Variants in LRMDA observed in about 807,000 individuals in gnomAD.
LRMDA encodes the protein leucine rich melanocyte differentiation associated.
In LRMDA, 18 loss-of-function variants were observed where a neutral mutation model predicts 29.8. The observed-to-expected ratio is 0.60, with a 90% CI of 0.42 to 0.90. The LOEUF (loss-of-function observed/expected upper bound fraction) is 0.90, where lower values mean the gene tolerates loss of function less well. Ranked by LOEUF, LRMDA falls within the 40% of genes least tolerant of loss-of-function variation. The pLI is 0.00. For synonymous variants in LRMDA, 125 were observed against 109.4 expected (o/e 1.14, Z -0.89); for missense variants, 273 against 273.9 (o/e 1.00, Z 0.02).
intron 2 of LRMDA, among the ~76,000 whole-genome samples, chr10:75,564,301 A>G (rs1301312876): frequency 6.6e-6 from 1 of 152,190 alleles, no homozygotes; most frequent in Non-Finnish European, 1.5e-5. Flanking sequence ...TGTGCTGGCA[A>G]TCATCGAGAC....
At chr10:75,972,590 C>T (rs959219252) in intron 2 of LRMDA, among the ~76,000 whole-genome samples, 2 of 152,036 alleles carry the variant, frequency 1.3e-5, no homozygotes, top group East Asian at 1.9e-4. Flanking sequence ...AGAAAAGAGT[C>T]GTTTCAGAGG....
At chr10:76,191,167 T>C (rs964582378) in intron 5 of LRMDA, among the ~76,000 whole-genome samples, 4 of 152,218 alleles carry the variant, frequency 2.6e-5, no homozygotes, top group African/African-American at 4.8e-5. Context: ...AAATGATTGA[T>C]TGACTGAAAT....
chr10:75,923,772 A>G (rs746669486), intron 2 of LRMDA, among the ~76,000 whole-genome samples: 2 of 152,006 alleles, frequency 1.3e-5, no homozygotes, highest in Non-Finnish European at 2.9e-5. Context: ...TGTGTGTGAC[A>G]CCCTTCAGAG....
chr10:76,333,431 A>G (rs1317890069), intron 6 of LRMDA, among the ~76,000 whole-genome samples: 1 of 152,172 alleles, frequency 6.6e-6, no homozygotes, highest in Non-Finnish European at 1.5e-5. Flanking sequence ...TTCTGTGCCC[A>G]TAGACTGTGA....
intron 2 of LRMDA, among the ~76,000 whole-genome samples, chr10:75,459,615 A>C (rs1844561172): frequency 6.6e-6 from 1 of 152,230 alleles, no homozygotes; most frequent in African/African-American, 2.4e-5. Flanking sequence ...TATATTTTTT[A>C]AGCTCAGCAA....
intron 6 of LRMDA, among the ~76,000 whole-genome samples, chr10:76,525,610 G>A (rs1443681727): frequency 1.4e-4 from 8 of 58,816 alleles, no homozygotes; most frequent in African/African-American, 3.0e-4. Context: ...AGTGAATGGC[G>A]GACTACATTT....
At position 75,956,470 on chromosome 10, in the gene LRMDA, C is replaced by G. The variant is rs544245511; in HGVS notation, c.132-79538C>G. ...AAAACACATAAGGACCTGTAGGCACCGTTTTTTGCTCTGGGCTTAAACACC... is the reference window on the plus strand; with the variant it reads ...AAAACACATAAGGACCTGTAGGCACGGTTTTTTGCTCTGGGCTTAAACACC... On this transcript the variant is annotated intron_variant, in intron 2 of 6. Transcript: ENST00000611255. Among the ~76,000 whole-genome samples the G allele has an allele frequency of 9.9e-5, 15 of 152,216 alleles. No homozygotes were observed. The South Asian group carries it at 2.5e-3, about 25-fold the overall frequency.
At chr10:76,308,597 A>T (rs1840589632) in intron 5 of LRMDA, among the ~76,000 whole-genome samples, 1 of 152,112 alleles carries the variant, frequency 6.6e-6, no homozygotes, top group Non-Finnish European at 1.5e-5. Context: ...TTTGCTACAC[A>T]TCAGAGACCA....
chr10:76,534,422 C>T (rs1843270011), intron 6 of LRMDA, among the ~76,000 whole-genome samples: 2 of 152,130 alleles, frequency 1.3e-5, no homozygotes, highest in Admixed American at 1.3e-4. Context: ...GGCTGTGCCT[C>T]TTCCACATTC....
At chr10:76,443,365 C>T (rs1842323130) in intron 6 of LRMDA, among the ~76,000 whole-genome samples, 1 of 152,194 alleles carries the variant, frequency 6.6e-6, no homozygotes, top group Non-Finnish European at 1.5e-5. Context: ...TTGACTCTGG[C>T]ATCACATCTT....
chr10:76,121,829 C>T (rs1041082384), intron 5 of LRMDA, among the ~76,000 whole-genome samples: 1 of 152,128 alleles, frequency 6.6e-6, no homozygotes, highest in Admixed American at 6.5e-5. Context: ...TTATTCCTCT[C>T]CTCCTTTCTC....
chr10:75,830,842 A>G lies in LRMDA; in HGVS notation c.132-205166A>G, dbSNP rs182412517. ...CTTAACTCATTTTAGCATTAACTCA[A>G]AAGTCCACAATCCAAAGTCTCATCT... On this transcript the variant is annotated intron_variant, in intron 2 of 6. Transcript: ENST00000611255. Among the ~76,000 whole-genome samples the G allele has an allele frequency of 1.9e-4, 29 of 152,312 alleles. No homozygotes were observed. In the East Asian group the frequency reaches 5.4e-3, roughly 28 times the overall value.
At chr10:75,851,467 C>T (rs1201974566) in intron 2 of LRMDA, among the ~76,000 whole-genome samples, 1 of 152,190 alleles carries the variant, frequency 6.6e-6, no homozygotes. Flanking sequence ...CCTGATAAAA[C>T]TCATTTATAC....
intron 2 of LRMDA, among the ~76,000 whole-genome samples, chr10:75,849,214 C>G (rs1844690070): frequency 6.6e-6 from 1 of 152,084 alleles, no homozygotes; most frequent in Non-Finnish European, 1.5e-5. Flanking sequence ...TGCTGTATAT[C>G]CTTGCTGTAA....
At chr10:76,406,303 C>A (rs1378483503) in intron 6 of LRMDA, among the ~76,000 whole-genome samples, 1 of 152,148 alleles carries the variant, frequency 6.6e-6, no homozygotes, top group African/African-American at 2.4e-5. Context: ...CCCAACATGA[C>A]CCACAAACTG....
chr10:76,052,372 C>T (rs750942353), intron 4 of LRMDA, among the ~76,000 whole-genome samples: 7 of 152,118 alleles, frequency 4.6e-5, no homozygotes, highest in Non-Finnish European at 7.4e-5. Context: ...ATTCGCAGAC[C>T]GTGGAGGCCC....
At chr10:75,649,224 G>T (rs1053243830) in intron 2 of LRMDA, among the ~76,000 whole-genome samples, 4 of 152,150 alleles carry the variant, frequency 2.6e-5, no homozygotes, top group South Asian at 4.1e-4. Context: ...TTATCCTTTT[G>T]TGTCTGGCTT....
intron 2 of LRMDA, among the ~76,000 whole-genome samples, chr10:75,830,360 A>G (rs770889764): frequency 2.6e-5 from 4 of 152,196 alleles, no homozygotes; most frequent in Non-Finnish European, 4.4e-5. Flanking sequence ...CTGAGATTCC[A>G]TGTACATTAG....
At chr10:75,639,035 G>A (rs185449740) in intron 2 of LRMDA, among the ~76,000 whole-genome samples, 14 of 152,226 alleles carry the variant, frequency 9.2e-5, no homozygotes, top group Admixed American at 2.6e-4. Context: ...GTTTTATTAC[G>A]TTTGCCTTTG....
Sources: gnomAD v4.1 joint callset for allele counts (sites outside exome capture counted in the v4.1 genomes callset) on GRCh38, gnomAD v4.1.1 for gene constraint, MANE v1.5 for transcripts, NCBI Gene and HGNC (gene_info 2026-07-23, HGNC 2026-07-21) for gene names.